Variants in DPP10 observed in about 807,000 individuals in gnomAD.
The protein encoded by DPP10 is dipeptidyl peptidase like 10.
In DPP10, 33 loss-of-function variants were observed where a neutral mutation model predicts 120.9. The observed-to-expected ratio is 0.27, with a 90% CI of 0.21 to 0.37. The LOEUF is 0.37. Among genes scored for constraint, DPP10 ranks in the 10% least tolerant of loss-of-function variants. The probability of loss-of-function intolerance (pLI) is 1.00; values close to 1 mark genes in which losing one functional copy is unlikely to be tolerated. For missense variants in DPP10, 816 were observed against 942.8 expected (o/e 0.87, Z 1.76); for synonymous variants, 337 against 326.1 (o/e 1.03, Z -0.36).
intron 1 of DPP10, among the ~76,000 whole-genome samples, chr2:114,603,626 G>A (rs867398746): frequency 2.0e-5 from 3 of 152,082 alleles, no homozygotes; most frequent in African/African-American, 4.8e-5. Context: ...TAAGGAAAGT[G>A]AAAATGACTA....
intron 2 of DPP10, among the ~76,000 whole-genome samples, chr2:115,321,519 T>A (rs1414325119): frequency 2.0e-5 from 3 of 150,000 alleles, no homozygotes; most frequent in African/African-American, 7.3e-5. Flanking sequence ...TTTAGTGTTT[T>A]TTTTTTTTTT....
intron 1 of DPP10, among the ~76,000 whole-genome samples, chr2:114,974,942 G>C (rs1271080340): frequency 6.6e-6 from 1 of 151,740 alleles, no homozygotes; most frequent in Non-Finnish European, 1.5e-5. Context: ...GTTTTGAGAG[G>C]CTTGACACAA....
At chr2:114,656,007 G>C (rs1247208390) in intron 1 of DPP10, among the ~76,000 whole-genome samples, 1 of 152,114 alleles carries the variant, frequency 6.6e-6, no homozygotes, top group Non-Finnish European at 1.5e-5. Flanking sequence ...GTTTATGTGG[G>C]CTTTCCTAAG....
intron 1 of DPP10, among the ~76,000 whole-genome samples, chr2:115,182,773 C>CTGAG (rs1255670332): frequency 6.6e-6 from 1 of 152,140 alleles, no homozygotes; most frequent in East Asian, 1.9e-4. Flanking sequence ...CCTCCCTAAC[C>CTGAG]TGAGTGATGG....
intron 1 of DPP10, among the ~76,000 whole-genome samples, chr2:115,051,363 C>T (rs1207004850): frequency 7.1e-6 from 1 of 139,944 alleles, no homozygotes; most frequent in Non-Finnish European, 1.6e-5. Context: ...AAAAAGTACA[C>T]ATTTAAGGTA....
intron 1 of DPP10, among the ~76,000 whole-genome samples, chr2:115,274,922 C>T (rs1377325288): frequency 6.6e-6 from 1 of 152,152 alleles, no homozygotes; most frequent in African/African-American, 2.4e-5. Flanking sequence ...TCTGTAAGAT[C>T]ACTTGTGTTC....
intron 1 of DPP10, among the ~76,000 whole-genome samples, chr2:114,801,843 T>A (rs1684278673): frequency 6.6e-6 from 1 of 152,222 alleles, no homozygotes; most frequent in South Asian, 2.1e-4. Context: ...GATGCTTGGA[T>A]TCATGTACAT....
intron 1 of DPP10, among the ~76,000 whole-genome samples, chr2:114,654,157 C>A (rs1010306877): frequency 6.6e-6 from 1 of 152,116 alleles, no homozygotes; most frequent in Admixed American, 6.6e-5. Context: ...ATTCAAAGAC[C>A]TAGCACTTCT....
chr2:115,178,823 C>CA (rs1363428323), intron 1 of DPP10, among the ~76,000 whole-genome samples: 1 of 152,192 alleles, frequency 6.6e-6, no homozygotes, highest in Non-Finnish European at 1.5e-5. Context: ...TAGGTCCTGA[C>CA]ATAACCATTG....
intron 1 of DPP10, among the ~76,000 whole-genome samples, chr2:114,607,271 A>T (rs1371856722): frequency 6.6e-6 from 1 of 152,188 alleles, no homozygotes; most frequent in East Asian, 1.9e-4. Flanking sequence ...ATAAAGTGTG[A>T]TCTAAAGAAG....
intron 1 of DPP10, among the ~76,000 whole-genome samples, chr2:114,884,594 G>A (rs1046112908): frequency 3.9e-5 from 6 of 152,068 alleles, no homozygotes; most frequent in African/African-American, 1.2e-4. Context: ...CGAGGAACAG[G>A]TGGTGTTTGG....
chr2:115,575,883 G>A (rs1035701241), intron 5 of DPP10, among the ~76,000 whole-genome samples: 1 of 152,178 alleles, frequency 6.6e-6, no homozygotes, highest in Non-Finnish European at 1.5e-5. Context: ...AAGAACGTGA[G>A]CACCCTCTAG....
Position 114,476,534 on chromosome 2 carries a change from G to A in DPP10, c.60+33696G>A, listed in dbSNP as rs140775870. 1.2e-4 allele frequency among the ~76,000 whole-genome samples: 19 copies of A among 152,246 alleles called. No homozygotes were observed. In the East Asian group the frequency reaches 3.7e-3, roughly 29 times the overall value. ...AAAAAAGAAACAAAAAAATATGGTG[G>A]CTCTTTTTGAGAAACAATGAATTTC... On this transcript the variant is annotated intron_variant, in intron 1 of 25. Coordinates refer to ENST00000410059, the MANE Select transcript of DPP10 (RefSeq NM_020868.6).
chr2:115,486,942 A>G (rs1222593251), intron 3 of DPP10, among the ~76,000 whole-genome samples: 1 of 152,164 alleles, frequency 6.6e-6, no homozygotes, highest in African/African-American at 2.4e-5. Context: ...CACTTCCACA[A>G]GAATTAATAA....
At chr2:115,445,518 T>C (rs1450918905) in intron 3 of DPP10, among the ~76,000 whole-genome samples, 1 of 152,174 alleles carries the variant, frequency 6.6e-6, no homozygotes, top group Non-Finnish European at 1.5e-5. Context: ...GAGGAACCTA[T>C]TGAGAACTGG....
chr2:115,547,674 G>A (rs1374921250), intron 5 of DPP10, among the ~76,000 whole-genome samples: 1 of 151,646 alleles, frequency 6.6e-6, no homozygotes. Flanking sequence ...GCTGAAGTGG[G>A]TGGATCACCT....
chr2:115,468,431 C>T (rs2074469123), intron 3 of DPP10: 1 of 463,594 alleles, frequency 2.2e-6, no homozygotes, highest in Non-Finnish European at 4.3e-6. Context: ...TTAATAATCC[C>T]AGGGCTGGCC....
chr2:114,977,595 C>T (rs569936564), intron 1 of DPP10, among the ~76,000 whole-genome samples: 1 of 152,218 alleles, frequency 6.6e-6, no homozygotes, highest in Non-Finnish European at 1.5e-5. Context: ...TTCTGCAAGT[C>T]AGCAACCTCC....
intron 3 of DPP10, among the ~76,000 whole-genome samples, chr2:115,393,954 T>A (rs1480126461): frequency 6.6e-6 from 1 of 152,164 alleles, no homozygotes; most frequent in Non-Finnish European, 1.5e-5. Flanking sequence ...TTGTAGTTAG[T>A]TGAATGTATA....
Sources: gnomAD v4.1 joint callset for allele counts (sites outside exome capture counted in the v4.1 genomes callset) on GRCh38, gnomAD v4.1.1 for gene constraint, MANE v1.5 for transcripts, NCBI Gene and HGNC (gene_info 2026-07-23, HGNC 2026-07-21) for gene names.